The following TMIGD3 variants were observed in gnomAD, a reference collection of about 807,000 sequenced individuals.
The protein encoded by TMIGD3 is AD026 protein (AD026).
Under a neutral mutation model 28.1 loss-of-function variants are expected in TMIGD3, and 21 were observed. That is an observed-to-expected ratio of 0.75 (90% CI 0.53 to 1.08). The LOEUF (loss-of-function observed/expected upper bound fraction) is 1.08, where lower values mean the gene tolerates loss of function less well. TMIGD3 is among the 50% of genes least tolerant of loss of function. TMIGD3 has a pLI of 0.00. For synonymous variants in TMIGD3, 151 were observed against 162.1 expected (o/e 0.93, Z 0.52); for missense variants, 416 against 435.6 (o/e 0.96, Z 0.40).
intron 1 of TMIGD3, among the ~76,000 whole-genome samples, chr1:111,509,524 G>A (rs531325785): frequency 2.0e-5 from 3 of 152,272 alleles, no homozygotes; most frequent in African/African-American, 7.2e-5. Flanking sequence ...ACCGGGAGGC[G>A]TAGGAATGAG....
intron 1 of TMIGD3, among the ~76,000 whole-genome samples, chr1:111,560,881 C>T (rs1311923963): frequency 6.6e-6 from 1 of 152,198 alleles, no homozygotes; most frequent in Non-Finnish European, 1.5e-5. Context: ...CAGGCCTTTC[C>T]TCTTGCTTCA....
chr1:111,544,759 T>C (rs980099714), intron 1 of TMIGD3, among the ~76,000 whole-genome samples: 3 of 151,556 alleles, frequency 2.0e-5, no homozygotes, highest in African/African-American at 7.3e-5. Context: ...ATTTCTTGGG[T>C]ATATCCAATT....
At chr1:111,507,898 C>A (rs1655564495), upstream of TMIGD3, among the ~76,000 whole-genome samples, 1 of 152,242 alleles carries the variant, frequency 6.6e-6, no homozygotes, top group African/African-American at 2.4e-5. Flanking sequence ...ACTCTCCGGG[C>A]TCTGCCTCTC....
intron 1 of TMIGD3, among the ~76,000 whole-genome samples, chr1:111,491,742 C>A (rs1314243476): frequency 6.6e-6 from 1 of 152,118 alleles, no homozygotes; most frequent in African/African-American, 2.4e-5. Context: ...ATCTATGAAT[C>A]AAAAGGGACT....
chr1:111,548,553 G>A (rs979322750), intron 1 of TMIGD3, among the ~76,000 whole-genome samples: 23 of 152,180 alleles, frequency 1.5e-4, no homozygotes, highest in Admixed American at 5.9e-4. Flanking sequence ...TTAATTTTTC[G>A]GTCAGAACTG....
intron 1 of TMIGD3, among the ~76,000 whole-genome samples, chr1:111,538,764 C>A (rs932479202): frequency 6.6e-6 from 1 of 152,210 alleles, no homozygotes; most frequent in Non-Finnish European, 1.5e-5. Flanking sequence ...GGGCCTCTGG[C>A]ATTGCTCCAG....
At chr1:111,547,351 G>T (rs1657070749) in intron 1 of TMIGD3, among the ~76,000 whole-genome samples, 4 of 151,658 alleles carry the variant, frequency 2.6e-5, no homozygotes, top group Admixed American at 2.6e-4. Flanking sequence ...TTGAGATGAT[G>T]ATTTTTTTCC....
At chr1:111,555,877 C>T (rs58775894) in intron 1 of TMIGD3, among the ~76,000 whole-genome samples, 3,818 of 152,052 alleles carry the variant, frequency 0.025, 155 homozygotes, top group African/African-American at 0.087. Context: ...GATATGACAC[C>T]AAAAGCAAAG....
In TMIGD3 at chr1:111,557,827, A is replaced by C. The variant is rs192197640; in HGVS notation, c.107+6019T>G. ...AAGTAAAACAAACAGAAATGTGAAC[A>C]GTGACAGCATAAAAATTGGGGGAGA... On this transcript the variant is annotated intron_variant, in intron 1 of 5. Transcript: ENST00000369717. 7.5e-3 allele frequency among the ~76,000 whole-genome samples: 1,145 copies of C among 152,308 alleles called. 16 individuals are homozygous for C. The highest frequency in any genetic ancestry group is 0.026 in the African/African-American group (1,077 of 41,574).
intron 1 of TMIGD3, among the ~76,000 whole-genome samples, chr1:111,535,777 C>A (rs528077563): frequency 3.3e-5 from 5 of 152,182 alleles, no homozygotes; most frequent in African/African-American, 4.8e-5. Flanking sequence ...TGAGTGTGTC[C>A]TGTGTGATGT....
At chr1:111,531,735 T>A (rs34481705) in intron 1 of TMIGD3, among the ~76,000 whole-genome samples, 28,311 of 151,888 alleles carry the variant, frequency 0.19, 3,262 homozygotes, top group East Asian at 0.47. Context: ...TTATTTATTT[T>A]TTAAGAGACA....
At chr1:111,561,396 A>G (rs997620621) in intron 1 of TMIGD3, among the ~76,000 whole-genome samples, 2 of 152,218 alleles carry the variant, frequency 1.3e-5, no homozygotes, top group African/African-American at 4.8e-5. Context: ...TGCTGGGATT[A>G]CAGGCGTGAG....
rs373346212 is a variant in TMIGD3, at chr1:111,489,052, C to T, written c.458-28G>A. On this transcript the variant is annotated intron_variant, in intron 2 of 5. Transcript: ENST00000369716. The stretch of plus-strand genomic sequence containing the variant: ...GTGAAAACACACACACACACGCACA[C>T]GTGCACACACACACACCATTGTTCT... The T allele has an allele frequency of 7.8e-4, 1,198 of 1,536,626 alleles. 2 individuals are homozygous for T. The highest frequency in any genetic ancestry group is 1.0e-3 in the Non-Finnish European group (1,119 of 1,118,680).
intron 1 of TMIGD3, among the ~76,000 whole-genome samples, chr1:111,520,461 A>C (rs918974690): frequency 1.3e-5 from 2 of 152,260 alleles, no homozygotes; most frequent in Admixed American, 6.5e-5. Context: ...CCCATGCAGG[A>C]AACTGGAAGA....
intron 2 of TMIGD3, chr1:111,490,443 A>G (rs1654601219): frequency 5.3e-6 from 3 of 562,150 alleles, no homozygotes; most frequent in Non-Finnish European, 9.5e-6. Flanking sequence ...ATTTTAGTCA[A>G]GCTTTTCAAT....
At chr1:111,532,226 C>T (rs896734442) in intron 1 of TMIGD3, among the ~76,000 whole-genome samples, 1 of 152,036 alleles carries the variant, frequency 6.6e-6, no homozygotes, top group African/African-American at 2.4e-5. Flanking sequence ...TCTCTGGGTA[C>T]AACTCTCTCC....
Position 111,534,656 on chromosome 1 carries a change from G to T in TMIGD3, c.107+29190C>A, listed in dbSNP as rs1656581018. On this transcript the variant is annotated intron_variant, in intron 1 of 5. Coordinates refer to the TMIGD3 transcript ENST00000369717. Reference sequence around the variant, plus strand: ...GGGAAGAACTGATCCCTCAGGGAAGGTCTATGTATAACCTGGCAGGAAAGG... The same window carrying T: ...GGGAAGAACTGATCCCTCAGGGAAGTTCTATGTATAACCTGGCAGGAAAGG... 3.9e-5 allele frequency among the ~76,000 whole-genome samples: 6 copies of T among 152,274 alleles called. No homozygotes were observed. In the South Asian group the frequency reaches 1.0e-3, roughly 26 times the overall value.
intron 1 of TMIGD3, among the ~76,000 whole-genome samples, chr1:111,528,286 G>A (rs1239304052): frequency 6.6e-6 from 1 of 152,136 alleles, no homozygotes; most frequent in Non-Finnish European, 1.5e-5. Flanking sequence ...TGGAGACATT[G>A]TATTGCCTTT....
intron 1 of TMIGD3, among the ~76,000 whole-genome samples, chr1:111,562,164 C>G (rs979274744): frequency 1.3e-5 from 2 of 152,100 alleles, no homozygotes; most frequent in African/African-American, 4.8e-5. Flanking sequence ...GTGGACAAAT[C>G]TTAGCTATTC....
Sources: gnomAD v4.1 joint callset for allele counts (sites outside exome capture counted in the v4.1 genomes callset) on GRCh38, gnomAD v4.1.1 for gene constraint, MANE v1.5 for transcripts, NCBI Gene and HGNC (gene_info 2026-07-23, HGNC 2026-07-21) for gene names.